CBFA2T2: variants seen among roughly 807,000 people sequenced by gnomAD.
CBFA2T2 encodes the protein protein CBFA2T2.
In CBFA2T2, 11 loss-of-function variants were observed where a neutral mutation model predicts 62.2. The ratio of observed to expected loss-of-function variants is 0.18; its 90% CI spans 0.11 to 0.29. CBFA2T2 has a LOEUF of 0.29. Ranked by LOEUF, CBFA2T2 falls within the 10% of genes least tolerant of loss-of-function variation. CBFA2T2 has a pLI of 1.00. For missense variants in CBFA2T2, 592 were observed against 774.1 expected (o/e 0.76, Z 2.79); for synonymous variants, 295 against 287.5 (o/e 1.03, Z -0.27).
At chr20:33,570,953 T>C (rs1024663327) in intron 1 of CBFA2T2, among the ~76,000 whole-genome samples, 5 of 152,192 alleles carry the variant, frequency 3.3e-5, no homozygotes, top group African/African-American at 9.6e-5. Flanking sequence ...TAACCACAAG[T>C]GCTTTGTCGG....
intron 1 of CBFA2T2, among the ~76,000 whole-genome samples, chr20:33,576,009 G>A (rs1321978647): frequency 1.3e-5 from 2 of 151,568 alleles, no homozygotes; most frequent in South Asian, 2.1e-4. Flanking sequence ...GGATGGCCTC[G>A]ATCTCCTGAT....
chr20:33,552,740 T>A (rs2012772565), intron 1 of CBFA2T2, among the ~76,000 whole-genome samples: 1 of 152,162 alleles, frequency 6.6e-6, no homozygotes, highest in African/African-American at 2.4e-5. Flanking sequence ...AAATGTCCCC[T>A]TGCTTGTCAC....
intron 1 of CBFA2T2, among the ~76,000 whole-genome samples, chr20:33,541,213 AG>A (rs1033623866): frequency 4.6e-5 from 7 of 152,194 alleles, no homozygotes; most frequent in African/African-American, 1.4e-4. Flanking sequence ...TCTAGCATTG[AG>A]GGCACTGAAA....
chr20:33,546,640 A>G (rs78396928), intron 1 of CBFA2T2, among the ~76,000 whole-genome samples: 1 of 151,080 alleles, frequency 6.6e-6, no homozygotes, highest in South Asian at 2.1e-4. Flanking sequence ...TAGTGGATAC[A>G]ATTTTTATTT....
At chr20:33,575,290 A>G (rs565210836) in intron 1 of CBFA2T2, among the ~76,000 whole-genome samples, 1 of 152,250 alleles carries the variant, frequency 6.6e-6, no homozygotes, top group Non-Finnish European at 1.5e-5. Flanking sequence ...TAATGTCACA[A>G]TTTGTGAATG....
At chr20:33,633,356 GT>G (rs1386538964) in intron 8 of CBFA2T2, among the ~76,000 whole-genome samples, 2 of 145,676 alleles carry the variant, frequency 1.4e-5, no homozygotes, top group Non-Finnish European at 3.0e-5. Context: ...GAGCAACACA[GT>G]GAGACTCTGT....
chr20:33,617,724 G>A (rs2015762988), intron 3 of CBFA2T2, among the ~76,000 whole-genome samples: 1 of 152,138 alleles, frequency 6.6e-6, no homozygotes, highest in South Asian at 2.1e-4. Flanking sequence ...GCTGTATTGT[G>A]CAAATGTCAT....
intron 5 of CBFA2T2, 22 bp downstream of exon 5, chr20:33,623,318 T>C (rs941162333): frequency 1.2e-5 from 19 of 1,613,438 alleles, no homozygotes; most frequent in Non-Finnish European, 1.6e-5. Flanking sequence ...AGCTTTGCTG[T>C]CCTTGCCTTC....
chr20:33,548,974 G>GTCCATCCA (rs145778204), intron 1 of CBFA2T2, among the ~76,000 whole-genome samples: 69 of 151,548 alleles, frequency 4.6e-4, no homozygotes, highest in Middle Eastern at 3.4e-3. Flanking sequence ...CTGTCCATCC[G>GTCCATCCA]TCCATCCATC....
In CBFA2T2 at chr20:33,520,863, T is replaced by C. The variant is rs370605452; in HGVS notation, c.34+30562T>C. Among the ~76,000 whole-genome samples the C allele has an allele frequency of 1.2e-4, 18 of 151,972 alleles. 1 individual carries two copies. The South Asian group carries it at 3.7e-3, about 32-fold the overall frequency. On this transcript the variant is annotated intron_variant, in intron 1 of 10. Transcript: ENST00000342704. The stretch of plus-strand genomic sequence containing the variant: ...AAATCATTTGTTACTCATGAGTGTT[T>C]TCGTTTATTTGTTCAGGAAATAATC...
chr20:33,550,780 C>T (rs926955788), intron 1 of CBFA2T2, among the ~76,000 whole-genome samples: 1 of 152,082 alleles, frequency 6.6e-6, no homozygotes, highest in Non-Finnish European at 1.5e-5. Context: ...TACCACCACA[C>T]CTGGCTAATT....
At chr20:33,592,382 A>ATATATATATATATAATTATGTAAAAAT (rs1555840419) in intron 1 of CBFA2T2, among the ~76,000 whole-genome samples, 1,737 of 142,538 alleles carry the variant, frequency 0.012, 18 homozygotes, top group Middle Eastern at 0.022. Context: ...TTTTATATAT[A>ATATATATATATATAATTATGTAAAAAT]TATATATATA....
chr20:33,492,962 A>G (rs530038785), intron 1 of CBFA2T2, among the ~76,000 whole-genome samples: 10 of 150,012 alleles, frequency 6.7e-5, no homozygotes, highest in African/African-American at 2.2e-4. Flanking sequence ...GGGTTTAACC[A>G]TGTTTTGGCT....
chr20:33,505,809 G>T (rs997431069), intron 1 of CBFA2T2, among the ~76,000 whole-genome samples: 1 of 151,916 alleles, frequency 6.6e-6, no homozygotes, highest in Admixed American at 6.6e-5. Flanking sequence ...AAATGGAAGG[G>T]GTCAGGTGTG....
At chr20:33,517,449 G>C (rs1159100409) in intron 1 of CBFA2T2, among the ~76,000 whole-genome samples, 1 of 143,428 alleles carries the variant, frequency 7.0e-6, no homozygotes, top group African/African-American at 2.6e-5. Context: ...TGGTTTTTTT[G>C]GTGTTTTTTT....
chr20:33,583,932 T>A (rs1034008052), intron 1 of CBFA2T2, among the ~76,000 whole-genome samples: 1 of 150,844 alleles, frequency 6.6e-6, no homozygotes, highest in Non-Finnish European at 1.5e-5. Context: ...ATTTATTTAT[T>A]TGTTTGTTTG....
intron 1 of CBFA2T2, chr20:33,573,999 G>A: frequency 1.3e-6 from 1 of 751,764 alleles, no homozygotes; most frequent in Non-Finnish European, 1.9e-6. Context: ...ATGTTGCCCA[G>A]GTGGGTCTCA....
In CBFA2T2 at chr20:33,603,723, A is replaced by G. The variant is rs145686204; in HGVS notation, c.35-3233A>G. The stretch of plus-strand genomic sequence containing the variant: ...TTGAGGGAAAAGAATTTCTTCTTCA[A>G]CTCTATTTAAGGTTCTCCAAGATAG... On this transcript the variant is annotated intron_variant, in intron 1 of 10. Coordinates refer to ENST00000342704, the MANE Select transcript of CBFA2T2 (RefSeq NM_001032999.3). Among the ~76,000 whole-genome samples, 961 of 152,206 alleles carry G rather than the reference A, an allele frequency of 6.3e-3. 10 individuals carry two copies. Among genetic ancestry groups the G allele is most frequent in the African/African-American group, 0.022 (905 of 41,506 alleles).
At position 33,644,814 on chromosome 20, in the gene CBFA2T2, A is replaced by G. The variant is rs886592663; in HGVS notation, c.*168A>G. The G allele has an allele frequency of 1.4e-6, 1 of 702,466 alleles. No individual in the cohort carries two copies. The allele number at this position is 702,466 out of a possible 1,614,324, so 43.5% of individuals were successfully genotyped here. On this transcript the variant is annotated 3_prime_UTR_variant, in exon 11 of 11. Transcript: ENST00000342704. The stretch of plus-strand genomic sequence containing the variant: ...ATAACACCCCACAGCCTCTCTGTGC[A>G]CTTGCTGTCTGCGGAGCCAGTGTGC...
Sources: allele counts gnomAD v4.1 joint callset (sites outside exome capture counted in the v4.1 genomes callset), GRCh38; gene constraint gnomAD v4.1.1; transcripts MANE v1.5; gene names NCBI Gene and HGNC (gene_info 2026-07-23, HGNC 2026-07-21).